Variants in PRKN observed in about 807,000 individuals in gnomAD.
PRKN encodes E3 ubiquitin-protein ligase parkin.
PRKN carries 56 observed loss-of-function variants against 59.5 expected under a neutral mutation model. That is an observed-to-expected ratio of 0.94 (90% CI 0.76 to 1.18). The LOEUF (loss-of-function observed/expected upper bound fraction) is 1.18. PRKN is among the 50% of genes most tolerant of loss of function. PRKN has a pLI of 0.00. For missense variants in PRKN, 657 were observed against 596.4 expected, an observed-to-expected ratio of 1.10 and a Z score of -1.06; for synonymous variants, 250 against 222.1, an observed-to-expected ratio of 1.13 and a Z score of -1.12.
intron 6 of PRKN, among the ~76,000 whole-genome samples, chr6:161,823,393 G>A (rs1254932153): frequency 2.0e-5 from 3 of 152,234 alleles, no homozygotes; most frequent in East Asian, 1.9e-4. Context: ...CAAAGGCAAT[G>A]CGTGGGTGTG....
intron 6 of PRKN, among the ~76,000 whole-genome samples, chr6:161,854,735 T>C (rs1374355683): frequency 1.3e-5 from 2 of 152,166 alleles, no homozygotes; most frequent in African/African-American, 4.8e-5. Flanking sequence ...GGTCCTCACA[T>C]ACTTGATTCT....
chr6:162,388,955 T>C (rs752718134), intron 2 of PRKN, among the ~76,000 whole-genome samples: 3 of 150,930 alleles, frequency 2.0e-5, no homozygotes, highest in Non-Finnish European at 2.9e-5. Flanking sequence ...CCCCAGACAC[T>C]TTTTGTCCCC....
At chr6:162,050,177 T>C (rs1196366641) in intron 5 of PRKN, among the ~76,000 whole-genome samples, 1 of 152,134 alleles carries the variant, frequency 6.6e-6, no homozygotes, top group Non-Finnish European at 1.5e-5. Context: ...CTCCTGAAAA[T>C]CTATTTTATG....
chr6:162,565,828 C>T (rs918004746), intron 1 of PRKN, among the ~76,000 whole-genome samples: 4 of 151,804 alleles, frequency 2.6e-5, no homozygotes, highest in Admixed American at 2.0e-4. Flanking sequence ...TATATGTTGC[C>T]TACAAGAAAC....
At chr6:161,907,511 A>G (rs1778193983) in intron 6 of PRKN, among the ~76,000 whole-genome samples, 1 of 152,190 alleles carries the variant, frequency 6.6e-6, no homozygotes, top group Non-Finnish European at 1.5e-5. Context: ...CACATTTGCC[A>G]AGTTATTCTA....
chr6:161,600,552 A>T (rs1016663862), intron 7 of PRKN, among the ~76,000 whole-genome samples: 1 of 152,166 alleles, frequency 6.6e-6, no homozygotes, highest in African/African-American at 2.4e-5. Flanking sequence ...AGTACTAGTT[A>T]GTTAGTTAAT....
In PRKN at chr6:161,428,158, C is replaced by A. The variant is rs1373547011; in HGVS notation, c.1084-41281G>T. 8.5e-5 allele frequency among the ~76,000 whole-genome samples: 13 copies of A among 152,172 alleles called. No homozygotes were observed. The highest frequency in any genetic ancestry group is 7.9e-4 in the Admixed American group (12 of 15,276). Reference sequence around the variant, plus strand: ...TGTGGGGGCCTTCCTCAAAGCCGTGCGCCTCCATCTCAGGGCAACATAGGG... The same window carrying A: ...TGTGGGGGCCTTCCTCAAAGCCGTGAGCCTCCATCTCAGGGCAACATAGGG... On this transcript the variant is annotated intron_variant, in intron 9 of 11. Coordinates refer to ENST00000366898, the MANE Select transcript of PRKN (RefSeq NM_004562.3). The surrounding 1 kb of genome is among the most constrained non-coding windows in gnomAD (Gnocchi z 4.0).
At chr6:161,678,165 G>T (rs940254809) in intron 7 of PRKN, among the ~76,000 whole-genome samples, 2 of 145,596 alleles carry the variant, frequency 1.4e-5, no homozygotes, top group African/African-American at 5.1e-5. Flanking sequence ...ATTTATTTGG[G>T]CTTAGAACAC....
intron 7 of PRKN, among the ~76,000 whole-genome samples, chr6:161,751,876 G>A (rs1053526943): frequency 6.6e-6 from 1 of 152,196 alleles, no homozygotes; most frequent in Non-Finnish European, 1.5e-5. Context: ...TATGCACACA[G>A]CAGGTGAAGG....
At chr6:161,583,003 CACACACACACACACACACAT>C (rs1306119042) in intron 7 of PRKN, among the ~76,000 whole-genome samples, 90 of 143,770 alleles carry the variant, frequency 6.3e-4, no homozygotes, top group East Asian at 6.2e-4. Flanking sequence ...CACACACACA[CACACACACACACACACACAT>C]ACACATTTTG....
chr6:162,600,299 T>C (rs1399354148), intron 1 of PRKN, among the ~76,000 whole-genome samples: 1 of 152,214 alleles, frequency 6.6e-6, no homozygotes, highest in Non-Finnish European at 1.5e-5. Flanking sequence ...ATTGTACATA[T>C]CAGTAGTTTA....
In PRKN at chr6:161,410,358, G is replaced by A. The variant is rs1237984660; in HGVS notation, c.1084-23481C>T. Reference sequence around the variant, plus strand: ...GCCCCGCTCATACCCACTGGGCCCAGCTCTTTTTCAGTCCTTTCCTGGCCT... The same window carrying A: ...GCCCCGCTCATACCCACTGGGCCCAACTCTTTTTCAGTCCTTTCCTGGCCT... On this transcript the variant is annotated intron_variant, in intron 9 of 11. Transcript: ENST00000366898. The surrounding 1 kb of genome is among the most constrained non-coding windows in gnomAD (Gnocchi z 5.3). 6.6e-6 allele frequency among the ~76,000 whole-genome samples: 1 copy of A among 152,130 alleles called. No individual in the cohort carries two copies. Among genetic ancestry groups the A allele is most frequent in the East Asian group, 1.9e-4 (1 of 5,178 alleles).
rs80185312 is a variant in PRKN, at chr6:162,671,982, G to T, written c.7+55680C>A. On this transcript the variant is annotated intron_variant, in intron 1 of 11. Transcript: ENST00000366898. ...TGCTGGGAGGTGCTGCGGGGAGGAT[G>T]GGCCTGGCAGAGCAGTGGTGCCCAT... Among the ~76,000 whole-genome samples, 459 of 152,056 alleles carry T rather than the reference G, an allele frequency of 3.0e-3. 2 individuals are homozygous for T. Among genetic ancestry groups the T allele is most frequent in the Non-Finnish European group, 3.7e-3 (252 of 67,956 alleles).
chr6:162,721,209 G>C (rs564749851), intron 1 of PRKN, among the ~76,000 whole-genome samples: 10 of 152,100 alleles, frequency 6.6e-5, no homozygotes, highest in Non-Finnish European at 1.2e-4. Context: ...GTTTATAAAC[G>C]CTTGTTCTCC....
intron 2 of PRKN, among the ~76,000 whole-genome samples, chr6:162,324,853 G>A (rs1000125059): frequency 6.6e-6 from 1 of 152,008 alleles, no homozygotes; most frequent in Non-Finnish European, 1.5e-5. Flanking sequence ...TGACAAAAAT[G>A]TCTCACATGA....
chr6:162,568,135 A>G (rs562700698), intron 1 of PRKN, among the ~76,000 whole-genome samples: 2 of 152,348 alleles, frequency 1.3e-5, no homozygotes, highest in South Asian at 4.1e-4. Context: ...TAAAAATTAA[A>G]TAGAAAACCT....
At chr6:161,784,190 A>G (rs941038792) in intron 7 of PRKN, among the ~76,000 whole-genome samples, 5 of 152,240 alleles carry the variant, frequency 3.3e-5, no homozygotes, top group Admixed American at 2.0e-4. Flanking sequence ...GAGGTAAGCT[A>G]TTGGTAGAAA....
chr6:162,663,047 G>A lies in PRKN; in HGVS notation c.7+64615C>T, dbSNP rs564306610. Among the ~76,000 whole-genome samples the A allele has an allele frequency of 3.7e-4, 56 of 152,160 alleles. 1 individual carries two copies. Among genetic ancestry groups the A allele is most frequent in the Middle Eastern group, 6.8e-3 (2 of 294 alleles). ...AGAACAAGGGAGCAGAGTAGAACCC[G>A]ACACCCAGCTGCTCCCAAATATGCC... On this transcript the variant is annotated intron_variant, in intron 1 of 11. Coordinates refer to ENST00000366898, the MANE Select transcript of PRKN (RefSeq NM_004562.3).
chr6:162,057,283 G>C (rs1220197278), intron 4 of PRKN, among the ~76,000 whole-genome samples: 1 of 152,156 alleles, frequency 6.6e-6, no homozygotes, highest in Non-Finnish European at 1.5e-5. Flanking sequence ...CTGAACAGAG[G>C]ATGTTAATTA....
Sources: allele counts gnomAD v4.1 joint callset (sites outside exome capture counted in the v4.1 genomes callset), GRCh38; gene constraint gnomAD v4.1.1; non-coding constraint Gnocchi (gnomAD v3.1); transcripts MANE v1.5; gene names NCBI Gene and HGNC (gene_info 2026-07-23, HGNC 2026-07-21).